Variants in PES1 observed in about 807,000 individuals in gnomAD.
The protein encoded by PES1 is pescadillo homolog.
In PES1, 31 loss-of-function variants were observed where a neutral mutation model predicts 77.1. That is an observed-to-expected ratio of 0.40 (90% CI 0.30 to 0.54). PES1 has a LOEUF of 0.54. PES1 is among the 20% of genes least tolerant of loss of function. The probability of loss-of-function intolerance (pLI) is 0.45; values close to 1 mark genes in which losing one functional copy is unlikely to be tolerated. For missense variants in PES1, 658 were observed against 771.7 expected (o/e 0.85, Z 1.75); for synonymous variants, 282 against 303.0 (o/e 0.93, Z 0.72).
intron 2 of PES1, among the ~76,000 whole-genome samples, chr22:30,598,105 G>A (rs998996299): frequency 6.6e-6 from 1 of 152,122 alleles, no homozygotes; most frequent in East Asian, 1.9e-4. Context: ...GGATGGTCTC[G>A]ATCGCAGTTG....
At chr22:30,581,247 C>T (rs2086982320) in intron 8 of PES1, 87 bp downstream of exon 8, 5 of 1,467,596 alleles carry the variant, frequency 3.4e-6, no homozygotes, top group African/African-American at 2.8e-5. Context: ...CCATAACCAC[C>T]CCCACTCTGA....
At chr22:30,597,877 GTTT>G (rs869064352) in intron 2 of PES1, among the ~76,000 whole-genome samples, 1 of 90,576 alleles carries the variant, frequency 1.1e-5, no homozygotes, top group Non-Finnish European at 2.4e-5. Context: ...CGCAGTTGAA[GTTT>G]TGTTTTTTTT....
chr22:30,578,946 G>A lies in PES1; in HGVS notation c.1574C>T (p.Ala525Val), dbSNP rs765096741. ...CTTGGCCTCACTCTCCTCCTCCTGG[G>A]CCAGCCGCTGCTTATCCTCCAGCTT... ...TLKLEDKQRL[A>V]QEEESEAKRL... Residue 525 changes from alanine (A) to valine (V), a missense_variant, in exon 14 of 15, where the codon GCC becomes GTC. By Grantham distance (64) the Ala-to-Val change is moderately conservative. Transcript: ENST00000354694. The A allele has an allele frequency of 1.9e-6, 3 of 1,611,932 alleles. No homozygotes were observed. The South Asian group carries it at 3.3e-5, about 18-fold the overall frequency.
At chr22:30,598,039 A>G (rs1172668811) in intron 2 of PES1, among the ~76,000 whole-genome samples, 3 of 151,882 alleles carry the variant, frequency 2.0e-5, no homozygotes, top group Non-Finnish European at 4.4e-5. Context: ...GCCCGCCACT[A>G]CGCCCGGCTA....
At chr22:30,581,220 T>G in intron 8 of PES1, 114 bp downstream of exon 8, 1 of 1,369,376 alleles carries the variant, frequency 7.3e-7, no homozygotes, top group Non-Finnish European at 1.0e-6. Flanking sequence ...AAGGGCAGGC[T>G]GAGACCACCC....
At chr22:30,578,040 T>C (rs750025550) in intron 14 of PES1, among the ~76,000 whole-genome samples, 1 of 152,094 alleles carries the variant, frequency 6.6e-6, no homozygotes, top group Non-Finnish European at 1.5e-5. Context: ...CCCAACACTT[T>C]AGGAGGCCAA....
Position 30,580,664 on chromosome 22 carries a change from A to G in PES1, c.950T>C (p.Leu317Pro), listed in dbSNP as rs765219602. 3 of 1,613,460 alleles carry G rather than the reference A, an allele frequency of 1.9e-6. No homozygotes were observed. The highest frequency in any genetic ancestry group is 1.1e-5 in the South Asian group (1 of 91,086). Residue 317 changes from leucine (L) to proline (P), a missense_variant, in exon 10 of 15, where the codon CTG becomes CCG. By Grantham distance (98) the Leu-to-Pro change is moderately conservative (BLOSUM62 -3). Transcript: ENST00000354694. Reference protein sequence around the residue: ...SAQEEDRRKELEAQEKHKKLF... With the variant: ...SAQEEDRRKEPEAQEKHKKLF... Reference sequence around the variant, plus strand: ...CTTCTTGTGCTTCTCCTGCGCCTCCAGCTCCTTCCTGCGGTCTTCCTCCTG... The same window carrying G: ...CTTCTTGTGCTTCTCCTGCGCCTCCGGCTCCTTCCTGCGGTCTTCCTCCTG...
At position 30,602,438 on chromosome 22, in the gene PES1, C is replaced by CTT. The variant is rs60067454; in HGVS notation, c.-661+3021_-661+3022dup. ...CTTTATAGCAGTGTGAAAACTAATA[C>CTT]TTTTTTTTTTTTGACACAAGAGTTC... On this transcript the variant is annotated intron_variant, in intron 2 of 16. Transcript: ENST00000402281. Among the ~76,000 whole-genome samples the CTT allele has an allele frequency of 3.5e-5, 5 of 142,696 alleles. 1 individual carries two copies. Among genetic ancestry groups the CTT allele is most frequent in the African/African-American group, 7.8e-5 (3 of 38,228 alleles). 93.6% of individuals were successfully genotyped at this position (142,696 alleles called of 152,430 possible).
Position 30,587,290 on chromosome 22 carries a change from C to T in PES1, c.364G>A (p.Glu122Lys), listed in dbSNP as rs1321518294. The stretch of plus-strand genomic sequence containing the variant: ...CCTGAGGAAAGCCCGGCTCACCGTT[C>T]CTTGATGATGTGGTCGAGTTTGTAG... ...PNYKLDHIIK[E>K]RYPTFIDALR... is the part of the protein sequence containing the mutation. Residue 122 changes from glutamate to lysine, a missense_variant, in exon 4 of 15, where the codon GAA becomes AAA. Coordinates refer to ENST00000354694, the MANE Select transcript of PES1 (RefSeq NM_014303.4). 6.2e-7 allele frequency: 1 copy of T among 1,607,060 alleles called. No individual in the cohort carries two copies. The highest frequency in any genetic ancestry group is 1.3e-5 in the African/African-American group (1 of 74,766).
At chr22:30,577,201 C>T in intron 14 of PES1, 72 bp from the exon 15 acceptor site, 1 of 1,260,492 alleles carries the variant, frequency 7.9e-7, no homozygotes, top group South Asian at 1.2e-5. Context: ...GAACTCAAAG[C>T]TATATCCCTT....
chr22:30,597,987 C>A (rs532245413), intron 2 of PES1, among the ~76,000 whole-genome samples: 1 of 148,952 alleles, frequency 6.7e-6, no homozygotes, highest in Non-Finnish European at 1.5e-5. Context: ...GGGTTCACGC[C>A]ATTCTCCTGC....
At chr22:30,588,698 G>A (rs983330761) in intron 2 of PES1, among the ~76,000 whole-genome samples, 2 of 151,876 alleles carry the variant, frequency 1.3e-5, no homozygotes, top group South Asian at 2.1e-4. Context: ...CAGGAGAATC[G>A]CTTGAACCTG....
At chr22:30,578,416 A>G (rs1342635916) in intron 14 of PES1, among the ~76,000 whole-genome samples, 1 of 152,244 alleles carries the variant, frequency 6.6e-6, no homozygotes, top group Non-Finnish European at 1.5e-5. Flanking sequence ...CCACTTCTGC[A>G]TCACTCATCA....
chr22:30,578,288 C>CA (rs2086931559), intron 14 of PES1, among the ~76,000 whole-genome samples: 1 of 152,068 alleles, frequency 6.6e-6, no homozygotes, highest in African/African-American at 2.4e-5. Flanking sequence ...TCTCAAAAAA[C>CA]AAATTATATC....
In PES1 at chr22:30,576,780, C is replaced by T. The variant is rs2146453435; in HGVS notation, c.*266G>A. 2 of 536,464 alleles carry T rather than the reference C, an allele frequency of 3.7e-6. No individual in the cohort carries two copies. The highest frequency in any genetic ancestry group is 4.6e-5 in the South Asian group (2 of 43,036). The allele number at this position is 536,464 out of a possible 1,614,324, so 33.2% of individuals were successfully genotyped here. On this transcript the variant is annotated 3_prime_UTR_variant, in exon 15 of 15. Coordinates refer to ENST00000354694, the MANE Select transcript of PES1 (RefSeq NM_014303.4). ...AGTAGGTAGGGGGCTGGGTGGGCCT[C>T]TGCACCTCATGTCACTGGCTCCTGG...
chr22:30,583,853 C>T (rs548526129), intron 6 of PES1, among the ~76,000 whole-genome samples: 4 of 152,374 alleles, frequency 2.6e-5, no homozygotes, highest in East Asian at 3.9e-4. Flanking sequence ...TCCCAGTCCC[C>T]GAGTCCTGTG....
chr22:30,588,861 A>C (rs1393191475), intron 2 of PES1, among the ~76,000 whole-genome samples: 1 of 152,030 alleles, frequency 6.6e-6, no homozygotes, highest in Non-Finnish European at 1.5e-5. Flanking sequence ...CACAGGCCAC[A>C]GTGAAGTCTT....
At chr22:30,598,021 C>G (rs1469491489) in intron 2 of PES1, among the ~76,000 whole-genome samples, 2 of 151,104 alleles carry the variant, frequency 1.3e-5, no homozygotes, top group Non-Finnish European at 3.0e-5. Context: ...GTAGCTGGGA[C>G]TACAGGCGCC....
intron 3 of PES1, among the ~76,000 whole-genome samples, chr22:30,587,807 C>G (rs919950253): frequency 6.6e-6 from 1 of 152,238 alleles, no homozygotes; most frequent in African/African-American, 2.4e-5. Context: ...GTGTGTGACA[C>G]TGAGACACCC....
Sources: gnomAD v4.1 joint callset for allele counts (sites outside exome capture counted in the v4.1 genomes callset) on GRCh38, gnomAD v4.1.1 for gene constraint, MANE v1.5 for transcripts, NCBI Gene and HGNC (gene_info 2026-07-23, HGNC 2026-07-21) for gene names.